Variants in BMPR1B observed in about 807,000 individuals in gnomAD.
The protein encoded by BMPR1B is bone morphogenetic protein receptor type-1B.
A neutral mutation model predicts 59.1 loss-of-function variants in BMPR1B; 12 were observed. The observed-to-expected ratio is 0.20, with a 90% CI of 0.13 to 0.33. The LOEUF is 0.33. Among genes scored for constraint, BMPR1B ranks in the 10% least tolerant of loss-of-function variants. The pLI is 1.00. For synonymous variants in BMPR1B, 237 were observed against 207.3 expected (o/e 1.14, Z -1.23); for missense variants, 550 against 610.9 (o/e 0.90, Z 1.05).
At chr4:95,131,583 C>A in intron 10 of BMPR1B, 71 bp downstream of exon 10, 1 of 1,523,320 alleles carries the variant, frequency 6.6e-7, no homozygotes, top group Non-Finnish European at 9.1e-7. Context: ...TAGCGCAGTG[C>A]TTCTAGGATA....
intron 3 of BMPR1B, among the ~76,000 whole-genome samples, chr4:95,027,459 A>G (rs1023501251): frequency 2.0e-5 from 3 of 152,170 alleles, no homozygotes; most frequent in Non-Finnish European, 4.4e-5. Flanking sequence ...ATTATTATTC[A>G]TCTTTCCTTT....
At chr4:94,970,706 G>A (rs1730759627) in intron 2 of BMPR1B, among the ~76,000 whole-genome samples, 1 of 152,070 alleles carries the variant, frequency 6.6e-6, no homozygotes, top group South Asian at 2.1e-4. Flanking sequence ...TATTTTGATA[G>A]CATCACACAA....
At chr4:94,983,529 A>G (rs1721226640) in intron 2 of BMPR1B, among the ~76,000 whole-genome samples, 1 of 152,232 alleles carries the variant, frequency 6.6e-6, no homozygotes, top group African/African-American at 2.4e-5. Context: ...CTAGAATGAA[A>G]TGAATGTCAA....
At chr4:94,843,761 G>A (rs867144343) in intron 1 of BMPR1B, among the ~76,000 whole-genome samples, 1 of 152,078 alleles carries the variant, frequency 6.6e-6, no homozygotes, top group African/African-American at 2.4e-5. Flanking sequence ...GCAATAATGG[G>A]GTGAAAAGCC....
intron 8 of BMPR1B, among the ~76,000 whole-genome samples, chr4:95,126,182 G>A (rs1335290604): frequency 6.6e-6 from 1 of 152,136 alleles, no homozygotes; most frequent in Non-Finnish European, 1.5e-5. Flanking sequence ...TAGTGGTAAT[G>A]TTCTTGTGTC....
At chr4:95,004,252 A>G (rs1154847) in intron 3 of BMPR1B, among the ~76,000 whole-genome samples, 36,270 of 152,008 alleles carry the variant, frequency 0.24, 5,425 homozygotes, top group African/African-American at 0.43. Flanking sequence ...CTCAAGGCAA[A>G]CAATTTTGCT....
At chr4:95,010,287 C>G (rs1479174408) in intron 3 of BMPR1B, among the ~76,000 whole-genome samples, 1 of 152,196 alleles carries the variant, frequency 6.6e-6, no homozygotes, top group East Asian at 1.9e-4. Flanking sequence ...GAAGCTATTT[C>G]CATCCATTCC....
At chr4:94,923,994 C>T (rs1461599670) in intron 2 of BMPR1B, among the ~76,000 whole-genome samples, 1 of 152,096 alleles carries the variant, frequency 6.6e-6, no homozygotes, top group Non-Finnish European at 1.5e-5. Flanking sequence ...TTATAGCATC[C>T]AACTTAAGGA....
chr4:94,950,831 T>G, intron 2 of BMPR1B, among the ~76,000 whole-genome samples: 1 of 152,208 alleles, frequency 6.6e-6, no homozygotes, highest in East Asian at 1.9e-4. Context: ...CTGAAGAAAG[T>G]CAATAGTAGC....
intron 10 of BMPR1B, among the ~76,000 whole-genome samples, chr4:95,146,081 A>G (rs981547222): frequency 3.9e-5 from 6 of 152,230 alleles, no homozygotes; most frequent in Non-Finnish European, 8.8e-5. Flanking sequence ...CCAAATGACT[A>G]TGACAAGTAT....
chr4:95,011,236 G>A (rs1047950718), intron 3 of BMPR1B, among the ~76,000 whole-genome samples: 3 of 151,352 alleles, frequency 2.0e-5, no homozygotes, highest in Admixed American at 6.6e-5. Flanking sequence ...CTCTCCCTCC[G>A]CCCACCCTCC....
At chr4:94,897,042 G>C (rs1184739562) in intron 2 of BMPR1B, among the ~76,000 whole-genome samples, 2 of 151,972 alleles carry the variant, frequency 1.3e-5, no homozygotes, top group Non-Finnish European at 2.9e-5. Flanking sequence ...TTCCTCACAG[G>C]CTTTGCATAT....
chr4:94,815,016 A>C (rs1578675366), intron 1 of BMPR1B, among the ~76,000 whole-genome samples: 1 of 151,762 alleles, frequency 6.6e-6, no homozygotes, highest in Non-Finnish European at 1.5e-5. Flanking sequence ...CTATTCTCCT[A>C]CCTCAGGCTT....
intron 1 of BMPR1B, among the ~76,000 whole-genome samples, chr4:94,810,243 A>G (rs2865375): frequency 0.37 from 56,894 of 152,050 alleles, 12,164 homozygotes; most frequent in East Asian, 0.55. Context: ...GAGACGTGCT[A>G]CAATTGGTTT....
chr4:95,019,671 GT>G (rs1723830721), intron 3 of BMPR1B, among the ~76,000 whole-genome samples: 1 of 152,120 alleles, frequency 6.6e-6, no homozygotes, highest in Non-Finnish European at 1.5e-5. Context: ...CTCCTTGGCT[GT>G]TAATACCTTG....
intron 2 of BMPR1B, among the ~76,000 whole-genome samples, chr4:94,919,531 C>T (rs543057774): frequency 6.6e-6 from 1 of 151,474 alleles, no homozygotes; most frequent in Non-Finnish European, 1.5e-5. Context: ...CATTACTACC[C>T]CCTTTATCCA....
intron 2 of BMPR1B, among the ~76,000 whole-genome samples, chr4:94,900,586 A>G (rs1403678345): frequency 6.6e-6 from 1 of 152,086 alleles, no homozygotes; most frequent in Non-Finnish European, 1.5e-5. Context: ...GCAATTTAAA[A>G]TAAGTCCTAA....
chr4:94,886,404 T>C (rs561277093), intron 2 of BMPR1B, among the ~76,000 whole-genome samples: 1 of 152,344 alleles, frequency 6.6e-6, no homozygotes, highest in South Asian at 2.1e-4. Flanking sequence ...TGTTCTCTGT[T>C]AATGATTGAC....
At chr4:94,789,759 C>T (rs778342775) in intron 1 of BMPR1B, among the ~76,000 whole-genome samples, 2 of 152,026 alleles carry the variant, frequency 1.3e-5, no homozygotes, top group Non-Finnish European at 2.9e-5. Context: ...TTTGCACTCA[C>T]CTAATATATA....
Sources: gnomAD v4.1 joint callset for allele counts (sites outside exome capture counted in the v4.1 genomes callset) on GRCh38, gnomAD v4.1.1 for gene constraint, MANE v1.5 for transcripts, NCBI Gene and HGNC (gene_info 2026-07-23, HGNC 2026-07-21) for gene names.